The following LMF1 variants were observed in gnomAD, a reference collection of about 807,000 sequenced individuals.
LMF1 encodes lipase maturation factor 1, also known as transmembrane protein 112.
LMF1 carries 68 observed loss-of-function variants against 60.6 expected under a neutral mutation model. That is an observed-to-expected ratio of 1.12 (90% confidence interval 0.92 to 1.37). LMF1 has a LOEUF of 1.37. LMF1 is among the 40% of genes most tolerant of loss of function. The pLI is 0.00. For synonymous variants in LMF1, 418 were observed against 324.7 expected, an observed-to-expected ratio of 1.29 and a Z score of -3.09; for missense variants, 948 against 767.2, an observed-to-expected ratio of 1.24 and a Z score of -2.78.
At chr16:927,863 G>A (rs943965917) in intron 3 of LMF1, among the ~76,000 whole-genome samples, 6 of 152,312 alleles carry the variant, frequency 3.9e-5, no homozygotes, top group Admixed American at 2.0e-4. Context: ...AGGTGCTGCC[G>A]CAATGGAAAA....
intron 2 of LMF1, 102 bp downstream of exon 2, chr16:954,255 G>C (rs1288545120): frequency 3.3e-6 from 4 of 1,221,156 alleles, no homozygotes; most frequent in African/African-American, 1.5e-5. Flanking sequence ...AGGAATTTAA[G>C]ATAAACGCTC....
chr16:858,086 T>A (rs201729893), intron 10 of LMF1, among the ~76,000 whole-genome samples: 58 of 55,348 alleles, frequency 1.0e-3, no homozygotes, highest in Non-Finnish European at 1.2e-3. Flanking sequence ...GAGTGGTGTC[T>A]CGGGATGGGT....
At position 954,362 on chromosome 16, in the gene LMF1, A is replaced by G. The variant is rs2072611959; in HGVS notation, c.498T>C (p.His166=). The change falls in exon 2 of 11, where the codon CAT becomes CAC. Residue 166 remains histidine, a synonymous_variant. Transcript: ENST00000262301. ...GCCCCATTCCTGCTACTCACCAGAC[A>G]TGGCCCACATTAACCAGGGACATGT... The part of the protein sequence containing the change: ...GLYMSLVNVG[H]VWYSFGWESQ... 1 of 1,611,836 alleles carries G rather than the reference A, an allele frequency of 6.2e-7. No individual in the cohort carries two copies. The highest frequency in any genetic ancestry group is 1.3e-5 in the African/African-American group (1 of 74,982).
intron 9 of LMF1, chr16:869,500 T>A: frequency 1.8e-6 from 1 of 545,508 alleles, no homozygotes; most frequent in Non-Finnish European, 3.5e-6. Flanking sequence ...GCTGCCATCA[T>A]TTGAGGCTGC....
At chr16:864,715 T>C (rs1208836658) in intron 10 of LMF1, among the ~76,000 whole-genome samples, 1 of 151,334 alleles carries the variant, frequency 6.6e-6, no homozygotes, top group Admixed American at 6.6e-5. Context: ...TGGAGTGCAG[T>C]GGCATGTCTT....
chr16:927,130 G>A (rs1325545463), intron 3 of LMF1, among the ~76,000 whole-genome samples: 1 of 152,206 alleles, frequency 6.6e-6, no homozygotes, highest in Non-Finnish European at 1.5e-5. Flanking sequence ...GCCAACCAAG[G>A]GCCGCTCATG....
chr16:912,234 G>A (rs932835658), intron 3 of LMF1, among the ~76,000 whole-genome samples: 17 of 151,870 alleles, frequency 1.1e-4, no homozygotes, highest in Admixed American at 3.3e-4. Context: ...ACTCGCAGGG[G>A]CAGCATCTAC....
rs1439822103 is a variant in LMF1 at position 934,242 on chromosome 16, A to G, written c.514+2T>C. 1 of 1,599,304 alleles carries G rather than the reference A, an allele frequency of 6.3e-7. No individual in the cohort carries two copies. Among genetic ancestry groups the G allele is most frequent in the East Asian group, 2.2e-5 (1 of 44,888 alleles). ...AGCTTTCTCTAAATGCATCTCACTT[A>G]CCGAAAGAGTACCTGAAAAACAAAA... On this transcript the variant is annotated splice_donor_variant, in intron 3 of 10. Transcript: ENST00000262301. LOFTEE classifies it high-confidence loss of function.
chr16:959,333 G>A (rs947835991), intron 1 of LMF1, among the ~76,000 whole-genome samples: 34 of 152,186 alleles, frequency 2.2e-4, no homozygotes, highest in African/African-American at 5.3e-4. Context: ...TATATACTGC[G>A]TGATTTCATT....
chr16:856,262 G>A (rs764889145), intron 10 of LMF1, among the ~76,000 whole-genome samples: 4 of 152,110 alleles, frequency 2.6e-5, no homozygotes, highest in Admixed American at 1.3e-4. Flanking sequence ...CTATAAGGAC[G>A]GCAGCGGCCA....
At chr16:873,617 C>CCG (rs374126828) in intron 6 of LMF1, 1 of 39,764 alleles carries the variant, frequency 2.5e-5, no homozygotes, top group Non-Finnish European at 5.9e-5. Context: ...GAGGACATGC[C>CCG]TGTTCGCGGG....
chr16:926,041 C>A (rs375331573), intron 3 of LMF1, among the ~76,000 whole-genome samples: 1 of 149,760 alleles, frequency 6.7e-6, no homozygotes, highest in South Asian at 2.1e-4. Flanking sequence ...TACCTGTGTG[C>A]GCATGTGTGC....
At position 897,874 on chromosome 16, in the gene LMF1, A is replaced by C. The variant is rs553805984; in HGVS notation, c.664-4802T>G. ...GCACTTTCTTGCCCTCATGCAAGAGAGAACTGGCATGGGAGGTGGGCTCCG... is the reference window on the plus strand; with the variant it reads ...GCACTTTCTTGCCCTCATGCAAGAGCGAACTGGCATGGGAGGTGGGCTCCG... On this transcript the variant is annotated intron_variant, in intron 4 of 10. Coordinates refer to ENST00000262301, the MANE Select transcript of LMF1 (RefSeq NM_022773.4). This position sits in a 1 kb window ranked among gnomAD's most constrained non-coding sequence, Gnocchi z 4.3. 1.3e-5 allele frequency among the ~76,000 whole-genome samples: 2 copies of C among 152,318 alleles called. No individual in the cohort carries two copies. Among genetic ancestry groups the C allele is most frequent in the Admixed American group, 1.3e-4 (2 of 15,312 alleles).
At chr16:980,011 C>T (rs3809675) in intron 1 of LMF1, 61,525 of 331,388 alleles carry the variant, frequency 0.19, 6,655 homozygotes, top group South Asian at 0.32. Flanking sequence ...CGGAGCCAAG[C>T]GAGATGGTGG....
In LMF1 at chr16:870,753, A is replaced by C. The variant is rs757459816; in HGVS notation, c.1208T>G (p.Val403Gly). 5 of 1,612,872 alleles carry C rather than the reference A, an allele frequency of 3.1e-6. No individual in the cohort carries two copies. The East Asian group carries it at 1.1e-4, about 36-fold the overall frequency. ...CCTTCCGAAGGCCCCGTAAGTGTTG[A>C]CGATGTGAAGAGAGTTGAAGTGGGT... ...MNTHFNSLHI[V>G]NTYGAFGSIT... The change falls in exon 8 of 11, where the codon GTC (valine) becomes GGC (glycine). Residue 403 changes from valine to glycine, a missense_variant. Physicochemically the swap from Val to Gly is moderately radical, Grantham distance 109. Transcript: ENST00000262301.
At chr16:927,252 TG>T (rs2071636979) in intron 3 of LMF1, among the ~76,000 whole-genome samples, 1 of 152,176 alleles carries the variant, frequency 6.6e-6, no homozygotes, top group Non-Finnish European at 1.5e-5. Context: ...GTCACCCAAG[TG>T]GGCTTCCCTG....
At chr16:941,390 T>C (rs2072097761) in intron 2 of LMF1, among the ~76,000 whole-genome samples, 1 of 152,124 alleles carries the variant, frequency 6.6e-6, no homozygotes, top group African/African-American at 2.4e-5. Context: ...CGGGTAATTT[T>C]TGTATTTTTA....
intron 10 of LMF1, among the ~76,000 whole-genome samples, 152 bp downstream of exon 10, chr16:868,792 T>A: frequency 6.9e-6 from 1 of 145,682 alleles, no homozygotes; most frequent in African/African-American, 2.5e-5. Context: ...GGGGGGGCCC[T>A]TTTTGCTCCC....
chr16:975,970 A>G (rs1304043579), upstream of LMF1: 6 of 302,430 alleles, frequency 2.0e-5, no homozygotes, highest in East Asian at 3.1e-4. Context: ...AAATGTGGAC[A>G]TTCCGGGCAA....
Sources: gnomAD v4.1 joint callset for allele counts (sites outside exome capture counted in the v4.1 genomes callset) on GRCh38, gnomAD v4.1.1 for gene constraint, Gnocchi (gnomAD v3.1) non-coding constraint, MANE v1.5 for transcripts, NCBI Gene and HGNC (gene_info 2026-07-23, HGNC 2026-07-21) for gene names.